RAP1GAP2: variants seen among roughly 807,000 people sequenced by gnomAD.
The protein encoded by RAP1GAP2 is rap1 GTPase-activating protein 2.
In RAP1GAP2, 27 loss-of-function variants were observed where a neutral mutation model predicts 95.0. The observed-to-expected ratio is 0.28, with a 90% CI of 0.21 to 0.39. The LOEUF (loss-of-function observed/expected upper bound fraction) is 0.39. Ranked by LOEUF, RAP1GAP2 falls within the 10% of genes least tolerant of loss-of-function variation. The pLI is 1.00. For synonymous variants in RAP1GAP2, 373 were observed against 380.9 expected (o/e 0.98, Z 0.24); for missense variants, 771 against 970.0 (o/e 0.79, Z 2.72).
intron 14 of RAP1GAP2, among the ~76,000 whole-genome samples, chr17:2,999,204 G>A (rs2046071811): frequency 6.6e-6 from 1 of 152,140 alleles, no homozygotes; most frequent in Non-Finnish European, 1.5e-5. Flanking sequence ...CTCATGGCTG[G>A]ATCTCTGACC....
intron 2 of RAP1GAP2, among the ~76,000 whole-genome samples, chr17:2,771,377 C>A (rs1170191780): frequency 1.3e-5 from 2 of 152,054 alleles, no homozygotes; most frequent in Non-Finnish European, 2.9e-5. Flanking sequence ...TCGGCAGTCA[C>A]AACAGAGGCG....
Position 2,873,474 on chromosome 17 carries a change from C to CAAAAAAAAAAA in RAP1GAP2, c.81-31783_81-31773dup, listed in dbSNP as rs71153308. 3.5e-4 allele frequency among the ~76,000 whole-genome samples: 4 copies of CAAAAAAAAAAA among 11,422 alleles called. 2 individuals are homozygous for CAAAAAAAAAAA. Among genetic ancestry groups the CAAAAAAAAAAA allele is most frequent in the Non-Finnish European group, 6.0e-4 (4 of 6,704 alleles). 7.5% of individuals were successfully genotyped at this position (11,422 alleles called of 152,430 possible). A position where few individuals can be genotyped will look rare whatever the true frequency, so the allele number is the denominator to read the frequency against. ...AGGGTAATAGAATGAGACCCTGTCT[C>CAAAAAAAAAAA]AAAAAAAAAAAAAAAAAAAAAAAAA... On this transcript the variant is annotated intron_variant, in intron 2 of 24. Coordinates refer to ENST00000254695, the MANE Select transcript of RAP1GAP2 (RefSeq NM_015085.5).
intron 2 of RAP1GAP2, among the ~76,000 whole-genome samples, chr17:2,861,225 C>T (rs528554306): frequency 2.5e-4 from 38 of 152,072 alleles, no homozygotes; most frequent in Non-Finnish European, 5.0e-4. Context: ...CTGCTTTACC[C>T]TGCTGTATTT....
intron 14 of RAP1GAP2, 144 bp downstream of exon 14, chr17:2,998,520 G>A (rs1308081389): frequency 9.6e-7 from 1 of 1,046,966 alleles, no homozygotes; most frequent in African/African-American, 1.6e-5. Flanking sequence ...GCTAGATTCT[G>A]GGTAGGGAGG....
chr17:2,982,065 A>T (rs2045381305), intron 10 of RAP1GAP2, among the ~76,000 whole-genome samples: 1 of 152,196 alleles, frequency 6.6e-6, no homozygotes, highest in Admixed American at 6.5e-5. Flanking sequence ...AACTCTGACA[A>T]CCAGGACCCG....
intron 2 of RAP1GAP2, among the ~76,000 whole-genome samples, chr17:2,826,147 ATT>A (rs71150901): frequency 2.8e-5 from 3 of 108,854 alleles, no homozygotes; most frequent in Admixed American, 1.1e-4. Flanking sequence ...CGCCCAGCAA[ATT>A]TTTTTTTTTT....
intron 3 of RAP1GAP2, among the ~76,000 whole-genome samples, chr17:2,916,530 G>T (rs2042574305): frequency 6.6e-6 from 1 of 152,166 alleles, no homozygotes; most frequent in Admixed American, 6.5e-5. Context: ...TGTCTGTGTG[G>T]GTCTGAAGCC....
intron 1 of RAP1GAP2, among the ~76,000 whole-genome samples, chr17:2,761,375 G>A (rs2071245632): frequency 6.7e-6 from 1 of 148,284 alleles, no homozygotes; most frequent in Non-Finnish European, 1.5e-5. Flanking sequence ...CGCAACCTCC[G>A]TCCCCCGGGT....
At chr17:2,830,498 G>A (rs868052440) in intron 2 of RAP1GAP2, among the ~76,000 whole-genome samples, 6 of 151,976 alleles carry the variant, frequency 3.9e-5, no homozygotes, top group Non-Finnish European at 8.8e-5. Context: ...GGCAGATCAC[G>A]ATGTCAAGAG....
chr17:2,878,665 G>A (rs1165707747), intron 2 of RAP1GAP2, among the ~76,000 whole-genome samples: 1 of 152,212 alleles, frequency 6.6e-6, no homozygotes, highest in Non-Finnish European at 1.5e-5. Flanking sequence ...CCTCTCCCCT[G>A]AAGGAGGCGG....
chr17:2,801,597 A>ATGTGTGTGTG (rs71150898), intron 2 of RAP1GAP2, among the ~76,000 whole-genome samples: 1,877 of 121,796 alleles, frequency 0.015, 42 homozygotes, highest in Non-Finnish European at 0.018. Context: ...ACTCCAGGGT[A>ATGTGTGTGTG]TGTGTGTGTG....
intron 23 of RAP1GAP2, among the ~76,000 whole-genome samples, chr17:3,032,137 C>T (rs148518463): frequency 7.0e-4 from 104 of 148,502 alleles, no homozygotes; most frequent in African/African-American, 2.0e-3. Flanking sequence ...TCCTGGGTCC[C>T]GAATCCCTTC....
chr17:2,841,636 C>G (rs1355404142), intron 2 of RAP1GAP2, among the ~76,000 whole-genome samples: 1 of 152,046 alleles, frequency 6.6e-6, no homozygotes, highest in East Asian at 1.9e-4. Context: ...AGCAGGAAAG[C>G]CACCCTGGAA....
At chr17:2,853,920 G>T in intron 2 of RAP1GAP2, 1 of 981,502 alleles carries the variant, frequency 1.0e-6, no homozygotes, top group Non-Finnish European at 1.2e-6. Flanking sequence ...GGGCTCAGGG[G>T]CCGGGTGCGG....
At chr17:2,860,594 C>CTTTTTTTTTT (rs561492877) in intron 2 of RAP1GAP2, among the ~76,000 whole-genome samples, 9 of 96,058 alleles carry the variant, frequency 9.4e-5, no homozygotes, top group Non-Finnish European at 1.6e-4. Context: ...ACTTATTTAT[C>CTTTTTTTTTT]TTTTTTTTTT....
chr17:3,009,308 TCA>T (rs2046435983), intron 17 of RAP1GAP2, among the ~76,000 whole-genome samples: 1 of 152,240 alleles, frequency 6.6e-6, no homozygotes, highest in Admixed American at 6.5e-5. Context: ...AGTGAAAGCT[TCA>T]CACACATTAT....
chr17:2,914,084 G>A (rs569351965), intron 3 of RAP1GAP2, among the ~76,000 whole-genome samples: 1 of 152,202 alleles, frequency 6.6e-6, no homozygotes, highest in African/African-American at 2.4e-5. Flanking sequence ...TGTTGGCCAG[G>A]ATGGTCTCGA....
Position 3,027,492 on chromosome 17 carries a change from G to A in RAP1GAP2, c.2107+422G>A, listed in dbSNP as rs1327711353. Among the ~76,000 whole-genome samples, 1 of 152,138 alleles carries A rather than the reference G, an allele frequency of 6.6e-6. No homozygotes were observed. The highest frequency in any genetic ancestry group is 1.5e-5 in the Non-Finnish European group (1 of 68,028). On this transcript the variant is annotated intron_variant, in intron 22 of 24. Coordinates refer to ENST00000254695, the MANE Select transcript of RAP1GAP2 (RefSeq NM_015085.5). The surrounding 1 kb of genome is among the most constrained non-coding windows in gnomAD (Gnocchi z 5.2). ...AGACGGGGGAAGGGCTGCAGGGGGA[G>A]GGAACAGCATGTGGAAAGGCCCAGA...
intron 2 of RAP1GAP2, among the ~76,000 whole-genome samples, chr17:2,850,330 C>T (rs73310076): frequency 1.6e-3 from 240 of 151,990 alleles, no homozygotes; most frequent in African/African-American, 5.4e-3. Flanking sequence ...GTACTTCAAG[C>T]TTAGAGCCTT....
Sources: allele counts gnomAD v4.1 joint callset (sites outside exome capture counted in the v4.1 genomes callset), GRCh38; gene constraint gnomAD v4.1.1; non-coding constraint Gnocchi (gnomAD v3.1); transcripts MANE v1.5; gene names NCBI Gene and HGNC (gene_info 2026-07-23, HGNC 2026-07-21).